The following RIPOR3 variants were observed in gnomAD, a reference collection of about 807,000 sequenced individuals.
The protein encoded by RIPOR3 is RIPOR family member 3.
A neutral mutation model predicts 114.3 loss-of-function variants in RIPOR3; 95 were observed. That is an observed-to-expected ratio of 0.83 (90% CI 0.70 to 0.99). The LOEUF (loss-of-function observed/expected upper bound fraction) is 0.99. RIPOR3 is among the 50% of genes least tolerant of loss of function. The pLI is 0.00. For synonymous variants in RIPOR3, 575 were observed against 543.8 expected (o/e 1.06, Z -0.80); for missense variants, 1,252 against 1,266.9 (o/e 0.99, Z 0.18).
At chr20:50,590,990 T>G (rs1438082813) in intron 19 of RIPOR3, among the ~76,000 whole-genome samples, 1 of 152,090 alleles carries the variant, frequency 6.6e-6, no homozygotes, top group Non-Finnish European at 1.5e-5. Context: ...AACTACTAGT[T>G]TTCAGGAACT....
intron 1 of RIPOR3, among the ~76,000 whole-genome samples, chr20:50,690,757 C>T (rs1420513143): frequency 6.6e-6 from 1 of 152,198 alleles, no homozygotes; most frequent in African/African-American, 2.4e-5. Context: ...ACCAATAATA[C>T]TTACCCTGCA....
At chr20:50,620,242 C>G (rs2084348257) in intron 2 of RIPOR3, 110 bp from the exon 3 acceptor site, 7 of 1,364,128 alleles carry the variant, frequency 5.1e-6, no homozygotes, top group Non-Finnish European at 7.0e-6. Flanking sequence ...AGTCAGGAGA[C>G]CCGGCTCAGT....
At chr20:50,664,855 A>C (rs1402672656) in intron 1 of RIPOR3, among the ~76,000 whole-genome samples, 1 of 152,142 alleles carries the variant, frequency 6.6e-6, no homozygotes, top group Non-Finnish European at 1.5e-5. Flanking sequence ...TAATCCCAAC[A>C]CTTTGGGAGG....
intron 1 of RIPOR3, among the ~76,000 whole-genome samples, chr20:50,668,657 G>C (rs1388879804): frequency 6.6e-6 from 1 of 152,204 alleles, no homozygotes; most frequent in East Asian, 1.9e-4. Flanking sequence ...AGGAGTTCAA[G>C]GCCAGACTGG....
At chr20:50,648,757 C>T (rs1164412022) in intron 1 of RIPOR3, among the ~76,000 whole-genome samples, 1 of 152,020 alleles carries the variant, frequency 6.6e-6, no homozygotes, top group African/African-American at 2.4e-5. Flanking sequence ...CAGCCGAGAT[C>T]CCTCGCATGC....
intron 2 of RIPOR3, among the ~76,000 whole-genome samples, chr20:50,622,949 C>T (rs1231083266): frequency 6.6e-6 from 1 of 152,038 alleles, no homozygotes. Context: ...TGTATCTTTC[C>T]CCTGGCTCAC....
At chr20:50,609,837 C>A in intron 6 of RIPOR3, 115 bp from the exon 7 acceptor site, 1 of 1,224,736 alleles carries the variant, frequency 8.2e-7, no homozygotes, top group African/African-American at 1.6e-5. Context: ...CCCCGCTAGC[C>A]CAGCCCATGG....
At chr20:50,625,645 A>C (rs1270081318) in intron 2 of RIPOR3, among the ~76,000 whole-genome samples, 1 of 152,128 alleles carries the variant, frequency 6.6e-6, no homozygotes, top group Non-Finnish European at 1.5e-5. Flanking sequence ...AGGATGTCCC[A>C]GTGGCTCCTG....
In RIPOR3 at chr20:50,604,717, C is replaced by T. The variant is rs1396451695; in HGVS notation, c.1014G>A (p.Met338Ile). Residue 338 changes from methionine (M) to isoleucine (I), a missense_variant, in exon 12 of 22, where the codon ATG becomes ATA. Transcript: ENST00000327979. ...TGTACAAGGAGCCCTTCCTGCTGCC[C>T]ATAGAAAACTTGCCCGTGGGGCTGG... The part of the protein sequence containing the change: ...VSPSPTGKFS[M>I]GSRKGSLYNW... 6.2e-7 allele frequency: 1 copy of T among 1,609,258 alleles called. No individual in the cohort carries two copies. The highest frequency in any genetic ancestry group is 8.5e-7 in the Non-Finnish European group (1 of 1,178,258).
chr20:50,686,759 A>G (rs6020691), intron 1 of RIPOR3, among the ~76,000 whole-genome samples: 29,558 of 151,702 alleles, frequency 0.19, 2,956 homozygotes, highest in East Asian at 0.33. Flanking sequence ...AAAAAAAAAA[A>G]AAAGAAAGAA....
chr20:50,649,226 C>T (rs190584837), intron 1 of RIPOR3, among the ~76,000 whole-genome samples: 1 of 152,176 alleles, frequency 6.6e-6, no homozygotes, highest in African/African-American at 2.4e-5. Flanking sequence ...GGACAGATCA[C>T]CTGAGGTTAG....
intron 3 of RIPOR3, among the ~76,000 whole-genome samples, 168 bp downstream of exon 3, chr20:50,619,818 C>G (rs1015946720): frequency 2.0e-5 from 3 of 152,212 alleles, no homozygotes; most frequent in African/African-American, 7.2e-5. Flanking sequence ...AAGGACCGGG[C>G]TGAGCACGCG....
At chr20:50,589,307 CTTTTT>C (rs1241590522) in intron 20 of RIPOR3, among the ~76,000 whole-genome samples, 1 of 137,704 alleles carries the variant, frequency 7.3e-6, no homozygotes, top group Non-Finnish European at 1.6e-5. Flanking sequence ...TATTTTGTAA[CTTTTT>C]TTTTTTTTTT....
chr20:50,630,261 C>G (rs770012775), intron 2 of RIPOR3, among the ~76,000 whole-genome samples: 3 of 152,064 alleles, frequency 2.0e-5, no homozygotes, highest in African/African-American at 4.8e-5. Context: ...AGCCACCGTG[C>G]CCAGCCCAAT....
chr20:50,626,441 C>T (rs1035318393), intron 2 of RIPOR3, among the ~76,000 whole-genome samples: 18 of 152,216 alleles, frequency 1.2e-4, no homozygotes, highest in Admixed American at 4.6e-4. Context: ...CCCTTGCTGA[C>T]GGCCAGCGAG....
At chr20:50,627,122 C>T (rs1035817394) in intron 2 of RIPOR3, among the ~76,000 whole-genome samples, 1 of 151,850 alleles carries the variant, frequency 6.6e-6, no homozygotes, top group East Asian at 1.9e-4. Context: ...GTGGAGCTTG[C>T]AGTGAGCCTA....
chr20:50,641,956 C>T (rs2085213907), intron 1 of RIPOR3, among the ~76,000 whole-genome samples: 1 of 152,104 alleles, frequency 6.6e-6, no homozygotes, highest in Non-Finnish European at 1.5e-5. Flanking sequence ...AAGGGTGGGG[C>T]CCCCTGCAGA....
intron 1 of RIPOR3, among the ~76,000 whole-genome samples, chr20:50,643,154 G>A (rs1371164339): frequency 2.7e-5 from 4 of 146,540 alleles, no homozygotes; most frequent in African/African-American, 7.7e-5. Context: ...ATGGAGTCTC[G>A]CTCTGTCGCC....
At chr20:50,679,135 A>AAATATATAT (rs2086773516) in intron 1 of RIPOR3, among the ~76,000 whole-genome samples, 1 of 20,774 alleles carries the variant, frequency 4.8e-5, no homozygotes, top group African/African-American at 1.3e-4. Flanking sequence ...AAAAAAAAAA[A>AAATATATAT]ATATATATAT....
Sources: gnomAD v4.1 joint callset for allele counts (sites outside exome capture counted in the v4.1 genomes callset) on GRCh38, gnomAD v4.1.1 for gene constraint, MANE v1.5 for transcripts, NCBI Gene and HGNC (gene_info 2026-07-23, HGNC 2026-07-21) for gene names.